CAST: variants seen among roughly 807,000 people sequenced by gnomAD.
CAST encodes the protein MIR583 host.
A neutral mutation model predicts 119.6 loss-of-function variants in CAST; 76 were observed. That is an observed-to-expected ratio of 0.64 (90% confidence interval 0.53 to 0.77). The LOEUF is 0.77. Among genes scored for constraint, CAST ranks in the 30% least tolerant of loss-of-function variants. CAST has a pLI of 0.00. For synonymous variants in CAST, 319 were observed against 331.6 expected, an observed-to-expected ratio of 0.96 and a Z score of 0.41; for missense variants, 953 against 946.5, an observed-to-expected ratio of 1.01 and a Z score of -0.09.
chr5:96,534,745 GAAAGAA>G lies in CAST; in HGVS notation c.60+4867_60+4872del, dbSNP rs1274304075. ...AGAGAGAGAGAGAGAGAGAGAGAAAGAAAGAAAGAAAGAAAGAAAGAAAGAAAGAAA... is the reference window on the plus strand; with the variant it reads ...AGAGAGAGAGAGAGAGAGAGAGAAAGAGAAAGAAAGAAAGAAAGAAAGAAA... On this transcript the variant is annotated intron_variant, in intron 1 of 11. Transcript: ENST00000505143. 2.9e-3 allele frequency among the ~76,000 whole-genome samples: 61 copies of G among 21,292 alleles called. 2 individuals are homozygous for G. Among genetic ancestry groups the G allele is most frequent in the African/African-American group, 6.7e-3 (45 of 6,704 alleles). The allele number at this position is 21,292 out of a possible 152,430, so 14.0% of individuals were successfully genotyped here. A position where few individuals can be genotyped will look rare whatever the true frequency, so the allele number is the denominator to read the frequency against.
intron 1 of CAST, among the ~76,000 whole-genome samples, chr5:96,623,906 C>T (rs1747666833): frequency 6.6e-6 from 1 of 151,842 alleles, no homozygotes; most frequent in East Asian, 1.9e-4. Flanking sequence ...GCCATGTTGC[C>T]CAGGCTGGTC....
At chr5:96,744,508 G>A (rs1763341428) in intron 16 of CAST, among the ~76,000 whole-genome samples, 1 of 152,146 alleles carries the variant, frequency 6.6e-6, no homozygotes, top group African/African-American at 2.4e-5. Flanking sequence ...CTCCCACTGG[G>A]TCCCTCCCAC....
the CAST span, among the ~76,000 whole-genome samples, chr5:96,292,241 A>T: frequency 4.8e-4 from 73 of 152,246 alleles, no homozygotes; most frequent in Middle Eastern, 3.4e-3. Flanking sequence ...TGAAATTTAA[A>T]CAGAGCTTCG....
At chr5:96,286,626 A>G in the CAST span, among the ~76,000 whole-genome samples, 1 of 152,136 alleles carries the variant, frequency 6.6e-6, no homozygotes. Context: ...TTTTTCTCCA[A>G]CAAGGTCTGA....
At chr5:96,010,216 A>G in the CAST span, among the ~76,000 whole-genome samples, 2 of 152,114 alleles carry the variant, frequency 1.3e-5, no homozygotes, top group East Asian at 3.9e-4. Flanking sequence ...ATAGCTTGAG[A>G]TTGGGTAGTG....
intron 1 of CAST, among the ~76,000 whole-genome samples, chr5:96,607,094 C>T (rs1459316004): frequency 6.6e-6 from 1 of 152,154 alleles, no homozygotes; most frequent in Non-Finnish European, 1.5e-5. Flanking sequence ...CAAGACCATC[C>T]TGGCTATCAC....
At chr5:96,301,032 TG>T in the CAST span, among the ~76,000 whole-genome samples, 1 of 152,142 alleles carries the variant, frequency 6.6e-6, no homozygotes, top group African/African-American at 2.4e-5. Flanking sequence ...TACCTGAGAC[TG>T]GGTAATTTAT....
intron 3 of CAST, among the ~76,000 whole-genome samples, chr5:96,707,773 T>C (rs1755316132): frequency 1.3e-5 from 2 of 152,100 alleles, no homozygotes; most frequent in Admixed American, 1.3e-4. Context: ...GCAAGTATTC[T>C]CCCTGAGCTC....
At chr5:96,393,249 G>C in the CAST span, 1 of 1,614,004 alleles carries the variant, frequency 6.2e-7, no homozygotes, top group Non-Finnish European at 8.5e-7. Context: ...AAAGCACTTT[G>C]CAGGAGTCGC....
At chr5:96,016,416 C>T in the CAST span, among the ~76,000 whole-genome samples, 1 of 152,132 alleles carries the variant, frequency 6.6e-6, no homozygotes, top group South Asian at 2.1e-4. Context: ...TTTATCATAC[C>T]CTGCCTTATC....
intron 3 of CAST, among the ~76,000 whole-genome samples, chr5:96,705,842 A>AT (rs1458866409): frequency 6.6e-6 from 1 of 152,216 alleles, no homozygotes; most frequent in Non-Finnish European, 1.5e-5. Flanking sequence ...CGTTTTACAG[A>AT]TTAAGAAAAT....
At chr5:96,762,566 T>C (rs1768380232) in intron 25 of CAST, 194 bp downstream of exon 25, 5 of 488,136 alleles carry the variant, frequency 1.0e-5, no homozygotes, top group Non-Finnish European at 3.7e-6. Flanking sequence ...TAAATGAAAC[T>C]ATATATGTGA....
the CAST span, among the ~76,000 whole-genome samples, chr5:96,472,116 T>G: frequency 5.3e-5 from 8 of 152,174 alleles, no homozygotes. Flanking sequence ...CCAACTCCTC[T>G]AATTGGGGTC....
the CAST span, among the ~76,000 whole-genome samples, chr5:96,179,117 C>G: frequency 6.6e-6 from 1 of 152,190 alleles, no homozygotes; most frequent in East Asian, 1.9e-4. Flanking sequence ...CTCTCCTTTA[C>G]AAATAAGCCT....
At chr5:96,644,137 A>G (rs1023287167) in intron 1 of CAST, among the ~76,000 whole-genome samples, 4 of 152,210 alleles carry the variant, frequency 2.6e-5, no homozygotes. Flanking sequence ...TGAATATACT[A>G]AAAACCATGG....
intron 2 of CAST, among the ~76,000 whole-genome samples, chr5:96,680,380 G>GAAAAAAAAAAA (rs1751255045): frequency 1.4e-5 from 1 of 72,740 alleles, no homozygotes; most frequent in African/African-American, 7.5e-5. Context: ...AAAAAAAAAA[G>GAAAAAAAAAAA]AAGAAGAAGA....
the CAST span, among the ~76,000 whole-genome samples, chr5:96,274,652 G>A: frequency 3.3e-5 from 5 of 152,168 alleles, no homozygotes; most frequent in African/African-American, 7.2e-5. Context: ...CAGAGATGAC[G>A]GGTGCAACAA....
the CAST span, among the ~76,000 whole-genome samples, chr5:96,270,813 C>T: frequency 3.8e-4 from 58 of 151,724 alleles, no homozygotes; most frequent in African/African-American, 1.2e-3. Flanking sequence ...CCATGGCACA[C>T]GTTTACCTAT....
the CAST span, among the ~76,000 whole-genome samples, chr5:96,474,807 G>A: frequency 1.3e-5 from 2 of 152,118 alleles, no homozygotes; most frequent in Non-Finnish European, 2.9e-5. Context: ...ATGAGATACC[G>A]TCTTGGATAT....
Sources: allele counts gnomAD v4.1 joint callset (sites outside exome capture counted in the v4.1 genomes callset), GRCh38; gene constraint gnomAD v4.1.1; transcripts MANE v1.5; gene names NCBI Gene and HGNC (gene_info 2026-07-23, HGNC 2026-07-21).